The following EPHA5 variants were observed in gnomAD, a reference collection of about 807,000 sequenced individuals.
EPHA5 encodes ephrin type-A receptor 5.
A neutral mutation model predicts 105.0 loss-of-function variants in EPHA5; 60 were observed. That is an observed-to-expected ratio of 0.57 (90% CI 0.46 to 0.71). The LOEUF is 0.71. EPHA5 is among the 30% of genes least tolerant of loss of function. The pLI is 0.00. For synonymous variants in EPHA5, 513 were observed against 449.1 expected (o/e 1.14, Z -1.80); for missense variants, 1,218 against 1,274.7 (o/e 0.96, Z 0.68).
chr4:65,669,283 T>G (rs1750241640), intron 1 of EPHA5, among the ~76,000 whole-genome samples: 1 of 150,720 alleles, frequency 6.6e-6, no homozygotes, highest in South Asian at 2.1e-4. Context: ...GGCCTCGACC[T>G]CCTTTCCCCC....
chr4:65,444,975 T>C (rs1726376846), intron 5 of EPHA5, among the ~76,000 whole-genome samples: 1 of 152,090 alleles, frequency 6.6e-6, no homozygotes, highest in African/African-American at 2.4e-5. Context: ...ACAGAAAATA[T>C]AGCAAAGAAA....
At chr4:65,343,042 T>C (rs968760205) in intron 14 of EPHA5, among the ~76,000 whole-genome samples, 4 of 152,092 alleles carry the variant, frequency 2.6e-5, no homozygotes, top group Non-Finnish European at 5.9e-5. Flanking sequence ...CTTAAATTAG[T>C]TTTCAAAATA....
In EPHA5 at chr4:65,404,451, C is replaced by G. The variant is rs1461633952; in HGVS notation, c.1716G>C (p.Gln572His). 6 of 1,613,644 alleles carry G rather than the reference C, an allele frequency of 3.7e-6. No homozygotes were observed. In the South Asian group the frequency reaches 5.5e-5, roughly 15 times the overall value. ...TCACAGACACAGCAATTACAGGAAT[C>G]TGGCTTTGATCGCTGGATGCTGCAA... ...VSVAASSDQS[Q>H]IPVIAVSVTV... Residue 572 changes from glutamine to histidine, a missense_variant, in exon 8 of 17, where the codon CAG (glutamine) becomes CAC (histidine). Coordinates refer to ENST00000613740, the MANE Select transcript of EPHA5 (RefSeq NM_001281766.3).
At chr4:65,352,925 A>G (rs1722956219) in intron 12 of EPHA5, 117 bp downstream of exon 12, 1 of 494,650 alleles carries the variant, frequency 2.0e-6, no homozygotes, top group Non-Finnish European at 3.5e-6. Flanking sequence ...GTTCTATTAA[A>G]AACTTAAGCT....
intron 3 of EPHA5, among the ~76,000 whole-genome samples, chr4:65,599,509 G>T (rs765564657): frequency 1.3e-5 from 2 of 152,030 alleles, no homozygotes; most frequent in Non-Finnish European, 2.9e-5. Flanking sequence ...GTTGTGTGTA[G>T]AATAAATACT....
At chr4:65,433,632 G>C (rs758734554) in intron 5 of EPHA5, among the ~76,000 whole-genome samples, 1 of 152,116 alleles carries the variant, frequency 6.6e-6, no homozygotes, top group Non-Finnish European at 1.5e-5. Context: ...CGGTTCTAGA[G>C]GTCAGAAGTC....
At chr4:65,657,898 CA>C (rs58539913) in intron 1 of EPHA5, among the ~76,000 whole-genome samples, 2,003 of 117,298 alleles carry the variant, frequency 0.017, 11 homozygotes, top group South Asian at 0.043. Context: ...TTGGTATATG[CA>C]AAAAAAAAAA....
In EPHA5 at chr4:65,320,401, T is replaced by C. The variant is rs4860649; in HGVS notation, c.*3713A>G. On this transcript the variant is annotated 3_prime_UTR_variant, in exon 17 of 17. Coordinates refer to ENST00000613740, the MANE Select transcript of EPHA5 (RefSeq NM_001281766.3). ...TTTTTGCTTAATTTGAAGTTAAACA[T>C]CTGGCAGGACATTAGCAAAGACAGT... 44,819 of 229,882 alleles carry C rather than the reference T, an allele frequency of 0.19. 4,638 individuals are homozygous for C. The highest frequency in any genetic ancestry group is 0.24 in the South Asian group (1,314 of 5,496). The allele number at this position is 229,882 out of a possible 1,614,324, so 14.2% of individuals were successfully genotyped here. A position where few individuals can be genotyped will look rare whatever the true frequency, so the allele number is the denominator to read the frequency against.
intron 16 of EPHA5, among the ~76,000 whole-genome samples, chr4:65,326,458 G>A (rs1386796199): frequency 6.6e-6 from 1 of 151,302 alleles, no homozygotes; most frequent in African/African-American, 2.4e-5. Flanking sequence ...GTCTAATGAA[G>A]GGAATGAAAC....
At chr4:65,471,355 G>C (rs556503861) in intron 5 of EPHA5, among the ~76,000 whole-genome samples, 1 of 152,210 alleles carries the variant, frequency 6.6e-6, no homozygotes, top group East Asian at 1.9e-4. Flanking sequence ...AAATTTAATT[G>C]TCTAAAATGG....
At chr4:65,360,795 A>C (rs1432652276) in intron 11 of EPHA5, among the ~76,000 whole-genome samples, 2 of 151,642 alleles carry the variant, frequency 1.3e-5, no homozygotes, top group Non-Finnish European at 3.0e-5. Context: ...TTACATAGCC[A>C]CAATTTATTC....
rs372026316 is a variant in EPHA5 at position 65,411,626 on chromosome 4, A to T, written c.1687+2658T>A. Among the ~76,000 whole-genome samples the T allele has an allele frequency of 3.3e-5, 5 of 152,294 alleles. No homozygotes were observed. The South Asian group carries it at 1.0e-3, about 32-fold the overall frequency. On this transcript the variant is annotated intron_variant, in intron 7 of 16. Transcript: ENST00000613740. ...AATAAAAATCACTGATAGCTTAACG[A>T]GGAAAAATACCAATAGGTTGGGAAA...
At chr4:65,436,403 C>T (rs945271607) in intron 5 of EPHA5, among the ~76,000 whole-genome samples, 4 of 151,770 alleles carry the variant, frequency 2.6e-5, no homozygotes, top group African/African-American at 7.3e-5. Context: ...CACAATTTCT[C>T]GAGACACTCA....
intron 8 of EPHA5, among the ~76,000 whole-genome samples, chr4:65,401,487 G>T (rs114036004): frequency 6.6e-6 from 1 of 151,912 alleles, no homozygotes; most frequent in Non-Finnish European, 1.5e-5. Flanking sequence ...AATGTCCCCC[G>T]AAATTCAAGA....
At chr4:65,640,565 C>T (rs1042904144) in intron 2 of EPHA5, among the ~76,000 whole-genome samples, 7 of 152,252 alleles carry the variant, frequency 4.6e-5, no homozygotes, top group Non-Finnish European at 8.8e-5. Context: ...GGATTACAGG[C>T]GTGAGCCACT....
intron 9 of EPHA5, among the ~76,000 whole-genome samples, chr4:65,366,869 T>C (rs1717957934): frequency 6.6e-6 from 1 of 151,932 alleles, no homozygotes; most frequent in African/African-American, 2.4e-5. Flanking sequence ...AAAACATGAT[T>C]TTCTGCATTA....
chr4:65,559,631 T>G (rs1248919665), intron 3 of EPHA5, among the ~76,000 whole-genome samples: 1 of 152,134 alleles, frequency 6.6e-6, no homozygotes, highest in Admixed American at 6.6e-5. Flanking sequence ...TAGGGTCCCC[T>G]ACTGTGATGT....
chr4:65,573,407 T>G, intron 3 of EPHA5: 1 of 926,574 alleles, frequency 1.1e-6, no homozygotes, highest in Non-Finnish European at 1.4e-6. Flanking sequence ...CCAGACTCCG[T>G]CTCAAAAAAA....
chr4:65,379,891 TAAGACAA>T (rs1719387583), intron 8 of EPHA5, among the ~76,000 whole-genome samples: 1 of 151,790 alleles, frequency 6.6e-6, no homozygotes, highest in South Asian at 2.1e-4. Context: ...TTAAGAAAAC[TAAGACAA>T]GTTACTTTTC....
Sources: allele counts gnomAD v4.1 joint callset (sites outside exome capture counted in the v4.1 genomes callset), GRCh38; gene constraint gnomAD v4.1.1; transcripts MANE v1.5; gene names NCBI Gene and HGNC (gene_info 2026-07-23, HGNC 2026-07-21).